Variants in NOL3 observed in about 807,000 individuals in gnomAD.
The protein encoded by NOL3 is muscle-enriched cytoplasmic protein.
In NOL3, 18 loss-of-function variants were observed where a neutral mutation model predicts 19.2. That is an observed-to-expected ratio of 0.94 (90% confidence interval 0.65 to 1.39). NOL3 has a LOEUF of 1.39. Ranked by LOEUF, NOL3 falls within the 40% of genes most tolerant of loss-of-function variation. The probability of loss-of-function intolerance (pLI) is 0.00; values close to 1 mark genes in which losing one functional copy is unlikely to be tolerated. For synonymous variants in NOL3, 127 were observed against 137.3 expected, an observed-to-expected ratio of 0.93 and a Z score of 0.52; for missense variants, 290 against 289.5, an observed-to-expected ratio of 1.00 and a Z score of -0.01.
exon 2 of NOL3, chr16:67,174,311 T>C (rs774480352): frequency 7.5e-6 from 12 of 1,608,350 alleles, no homozygotes; most frequent in Admixed American, 3.4e-5. Context: ...GTACGAGGCA[T>C]TGGATGCACT....
At chr16:67,174,296 C>T (rs763073953) in exon 2 of NOL3, 1 of 1,610,248 alleles carries the variant, frequency 6.2e-7, no homozygotes, top group Admixed American at 1.7e-5. Flanking sequence ...GCTCACCGGG[C>T]CAGAGTACGA....
At chr16:67,174,627 G>C (rs996645943) in exon 3 of NOL3, 5 of 1,531,460 alleles carry the variant, frequency 3.3e-6, no homozygotes, top group Non-Finnish European at 3.5e-6. Flanking sequence ...CCAGGCTACC[G>C]GGACCGCAGC....
chr16:67,173,808 C>A, intron 1 of NOL3: 2 of 1,473,444 alleles, frequency 1.4e-6, no homozygotes, highest in Non-Finnish European at 1.8e-6. Flanking sequence ...CTGAACTCGC[C>A]TCGGATTTGC....
intron 1 of NOL3, chr16:67,171,030 C>G (rs1490828785): frequency 1.3e-5 from 2 of 152,300 alleles, no homozygotes; most frequent in African/African-American, 2.4e-5. Flanking sequence ...TCTCTACCCC[C>G]AGACAGGATA....
At chr16:67,173,350 G>A (rs188606384) in intron 1 of NOL3, among the ~76,000 whole-genome samples, 1 of 152,320 alleles carries the variant, frequency 6.6e-6, no homozygotes, top group Admixed American at 6.5e-5. Flanking sequence ...CTTGGTCAGA[G>A]CTAGGCCTGA....
chr16:67,175,677 CA>C (rs1180947381), exon 4 of NOL3: 1 of 153,182 alleles, frequency 6.5e-6, no homozygotes, highest in African/African-American at 2.4e-5. Context: ...GTGACTTACA[CA>C]AAAGGCGCTC....
At chr16:67,175,003 A>G (rs1344509112) in intron 3 of NOL3, 44 bp from the exon 4 acceptor site, 4 of 1,611,888 alleles carry the variant, frequency 2.5e-6, no homozygotes, top group Non-Finnish European at 3.4e-6. Context: ...TGGGAAGCGG[A>G]TGCCGGACCC....
intron 1 of NOL3, 44 bp from the exon 2 acceptor site, chr16:67,174,118 G>A (rs1376989252): frequency 1.2e-6 from 2 of 1,602,034 alleles, no homozygotes; most frequent in Admixed American, 1.7e-5. Context: ...GAGGGCAGCG[G>A]GGAGGGCAAC....
intron 2 of NOL3, 62 bp downstream of exon 2, chr16:67,174,526 C>CGGGGA (rs2032017527): frequency 2.5e-5 from 37 of 1,470,650 alleles, no homozygotes; most frequent in Non-Finnish European, 3.3e-5. Context: ...ACAAAAGGCC[C>CGGGGA]GGGGAGGGCA....
intron 1 of NOL3, chr16:67,173,018 A>T (rs2031862924): frequency 6.8e-6 from 1 of 146,862 alleles, no homozygotes; most frequent in Non-Finnish European, 1.5e-5. Flanking sequence ...GAATCACTTG[A>T]GCCTGGGAGG....
At chr16:67,174,352 A>G (rs1597254382) in exon 2 of NOL3, 1 of 1,587,836 alleles carries the variant, frequency 6.3e-7, no homozygotes, top group Non-Finnish European at 8.6e-7. Context: ...TGCGCCGCCT[A>G]CTGCTGCTGG....
chr16:67,174,175 C>A (rs1383519320), exon 2 of NOL3: 2 of 1,608,808 alleles, frequency 1.2e-6, no homozygotes, highest in South Asian at 1.1e-5. Flanking sequence ...CGACAATGGG[C>A]AACGCGCAGG....
At chr16:67,174,071 G>A (rs1193914171) in intron 1 of NOL3, 91 bp from the exon 2 acceptor site, 13 of 1,583,508 alleles carry the variant, frequency 8.2e-6, no homozygotes, top group Non-Finnish European at 9.4e-6. Context: ...CAGCCTGGGT[G>A]TTCACTGGGG....
chr16:67,175,242 G>T (rs1267257052), exon 4 of NOL3: 2 of 1,486,490 alleles, frequency 1.3e-6, no homozygotes, highest in Non-Finnish European at 8.9e-7. Context: ...ACTTAGGGTG[G>T]GTACCTCTGA....
rs1307249391 is a variant in NOL3 at position 67,170,925 on chromosome 16, G to C, written c.-9+351G>C. On this transcript the variant is annotated intron_variant, in intron 1 of 3. Transcript: ENST00000268605. This position sits in a 1 kb window ranked among gnomAD's most constrained non-coding sequence, Gnocchi z 5.7. ...GCCCCGCCACCTGGCTCTCTGGGAA[G>C]AATCGGACCTGTCACCCTCGAAGGA... 6.6e-6 allele frequency among the ~76,000 whole-genome samples: 1 copy of C among 152,258 alleles called. No homozygotes were observed. Among genetic ancestry groups the C allele is most frequent in the Non-Finnish European group, 1.5e-5 (1 of 68,042 alleles).
exon 3 of NOL3, chr16:67,174,767 G>C (rs760328560): frequency 1.9e-6 from 3 of 1,608,912 alleles, no homozygotes; most frequent in South Asian, 1.1e-5. Context: ...GGTGCAATCC[G>C]GGACCCCGGA....
At chr16:67,173,748 A>G in intron 1 of NOL3, 1 of 877,410 alleles carries the variant, frequency 1.1e-6, no homozygotes, top group Non-Finnish European at 1.7e-6. Context: ...CTGCCTGGTT[A>G]GGTGGGGAAG....
At chr16:67,174,331 C>T (rs1351903605) in exon 2 of NOL3, 2 of 1,600,836 alleles carry the variant, frequency 1.2e-6, no homozygotes, top group Admixed American at 1.7e-5. Context: ...TGCCTGATGC[C>T]GAGCGCAGGG....
chr16:67,174,279 G>A (rs777348689), exon 2 of NOL3: 2 of 1,611,772 alleles, frequency 1.2e-6, no homozygotes, highest in East Asian at 4.5e-5. Context: ...CTGCTGGCGC[G>A]GGGCGTGCTC....
Sources: gnomAD v4.1 joint callset for allele counts (sites outside exome capture counted in the v4.1 genomes callset) on GRCh38, gnomAD v4.1.1 for gene constraint, Gnocchi (gnomAD v3.1) non-coding constraint, MANE v1.5 for transcripts, NCBI Gene and HGNC (gene_info 2026-07-23, HGNC 2026-07-21) for gene names.